KCNIP4: variants seen among roughly 807,000 people sequenced by gnomAD.
KCNIP4 encodes potassium voltage-gated channel interacting protein 4.
In KCNIP4, 12 loss-of-function variants were observed where a neutral mutation model predicts 34.0. That is an observed-to-expected ratio of 0.35 (90% CI 0.23 to 0.57). The LOEUF is 0.57. Ranked by LOEUF, KCNIP4 falls within the 20% of genes least tolerant of loss-of-function variation. KCNIP4 has a pLI of 0.83. For missense variants in KCNIP4, 238 were observed against 311.7 expected (o/e 0.76, Z 1.78); for synonymous variants, 124 against 102.2 (o/e 1.21, Z -1.29).
intron 3 of KCNIP4, among the ~76,000 whole-genome samples, chr4:20,813,698 A>G (rs1716043825): frequency 6.6e-6 from 1 of 152,188 alleles, no homozygotes; most frequent in African/African-American, 2.4e-5. Flanking sequence ...TATAAGTGCG[A>G]CATATATATT....
chr4:21,772,477 T>C (rs1718868759), intron 1 of KCNIP4, among the ~76,000 whole-genome samples: 1 of 152,200 alleles, frequency 6.6e-6, no homozygotes, highest in African/African-American at 2.4e-5. Flanking sequence ...TTCAATTGTT[T>C]GGAATAGTTT....
At chr4:21,549,322 C>T (rs1738373381) in intron 1 of KCNIP4, among the ~76,000 whole-genome samples, 1 of 151,854 alleles carries the variant, frequency 6.6e-6, no homozygotes, top group South Asian at 2.1e-4. Context: ...AATGTGATCC[C>T]CCATGGTGAA....
chr4:20,934,616 T>C (rs1191561210), intron 1 of KCNIP4, among the ~76,000 whole-genome samples: 1 of 152,218 alleles, frequency 6.6e-6, no homozygotes, highest in Non-Finnish European at 1.5e-5. Context: ...ATGCAAGCAT[T>C]GCAGATACAA....
At chr4:20,877,569 A>C (rs1724198838) in intron 2 of KCNIP4, among the ~76,000 whole-genome samples, 1 of 152,140 alleles carries the variant, frequency 6.6e-6, no homozygotes. Flanking sequence ...CATATGTAAA[A>C]TAGCCTATAT....
intron 1 of KCNIP4, among the ~76,000 whole-genome samples, chr4:21,240,613 G>T (rs1759738002): frequency 6.6e-6 from 1 of 152,150 alleles, no homozygotes; most frequent in South Asian, 2.1e-4. Context: ...GAGTCCTGTT[G>T]ATTTTTCTTA....
intron 1 of KCNIP4, among the ~76,000 whole-genome samples, chr4:21,436,668 T>C (rs1726968372): frequency 6.6e-6 from 1 of 152,222 alleles, no homozygotes; most frequent in South Asian, 2.1e-4. Flanking sequence ...AAACTCTCTA[T>C]ACCTCATGTC....
Position 20,850,692 on chromosome 4 carries a change from C to T in KCNIP4, c.164-25G>A, listed in dbSNP as rs769156343. On this transcript the variant is annotated intron_variant, in intron 2 of 8. Coordinates refer to ENST00000382152, the MANE Select transcript of KCNIP4 (RefSeq NM_025221.6). ...TCTGTGGAGGAAAACAAGAAAGAGTCTTAGGACCAGCCACTGCTCACCGAT... is the reference window on the plus strand; with the variant it reads ...TCTGTGGAGGAAAACAAGAAAGAGTTTTAGGACCAGCCACTGCTCACCGAT... 3.9e-5 allele frequency: 62 copies of T among 1,607,454 alleles called. No homozygotes were observed. In the South Asian group the frequency reaches 5.3e-4, roughly 14 times the overall value.
At chr4:21,277,130 C>A (rs1455997725) in intron 1 of KCNIP4, among the ~76,000 whole-genome samples, 3 of 152,084 alleles carry the variant, frequency 2.0e-5, no homozygotes, top group Non-Finnish European at 4.4e-5. Context: ...TTCCAACTGG[C>A]AAATAATAGG....
intron 1 of KCNIP4, among the ~76,000 whole-genome samples, chr4:21,310,283 G>A (rs1334298050): frequency 6.6e-6 from 1 of 152,110 alleles, no homozygotes; most frequent in Non-Finnish European, 1.5e-5. Context: ...TGATCCGTCC[G>A]CCTCTGCCTC....
chr4:20,994,918 C>A (rs1737410901), intron 1 of KCNIP4, among the ~76,000 whole-genome samples: 2 of 152,110 alleles, frequency 1.3e-5, no homozygotes, highest in African/African-American at 4.8e-5. Flanking sequence ...AAATGGGGGG[C>A]TTTATCCTTT....
chr4:20,737,398 G>C (rs769414953), intron 5 of KCNIP4, among the ~76,000 whole-genome samples: 21 of 152,194 alleles, frequency 1.4e-4, no homozygotes, highest in Non-Finnish European at 2.8e-4. Flanking sequence ...AATTTTTAAT[G>C]AGGAGCACTT....
At chr4:21,663,286 T>C (rs1487753849) in intron 1 of KCNIP4, among the ~76,000 whole-genome samples, 1 of 152,186 alleles carries the variant, frequency 6.6e-6, no homozygotes, top group Non-Finnish European at 1.5e-5. Flanking sequence ...ATCAAGGTGA[T>C]TGTGGCCTTC....
chr4:21,476,026 T>C (rs1730929480), intron 1 of KCNIP4, among the ~76,000 whole-genome samples: 3 of 152,198 alleles, frequency 2.0e-5, no homozygotes, highest in Non-Finnish European at 4.4e-5. Context: ...GCTTTTCATA[T>C]GAAGACCCAG....
intron 3 of KCNIP4, among the ~76,000 whole-genome samples, chr4:20,761,665 C>T (rs189220664): frequency 4.3e-4 from 65 of 152,212 alleles, no homozygotes; most frequent in Admixed American, 4.1e-3. Flanking sequence ...GCAAAGGGAC[C>T]TCTGCATCAA....
intron 1 of KCNIP4, among the ~76,000 whole-genome samples, chr4:21,525,334 C>T (rs1735881351): frequency 1.3e-5 from 2 of 152,052 alleles, no homozygotes; most frequent in Admixed American, 6.6e-5. Flanking sequence ...ATTAGTTGGA[C>T]AATTTGTAGG....
intron 1 of KCNIP4, among the ~76,000 whole-genome samples, chr4:21,490,142 A>G (rs1290338028): frequency 1.3e-5 from 2 of 152,180 alleles, no homozygotes; most frequent in African/African-American, 4.8e-5. Flanking sequence ...ACATTTAATA[A>G]TTTTAACAGA....
chr4:20,767,814 G>C (rs1755541425), intron 3 of KCNIP4, among the ~76,000 whole-genome samples: 2 of 152,000 alleles, frequency 1.3e-5, no homozygotes, highest in South Asian at 2.1e-4. Context: ...ATTACAGTAA[G>C]ACATTTCATA....
intron 2 of KCNIP4, among the ~76,000 whole-genome samples, chr4:20,878,636 GC>G (rs1724331133): frequency 6.6e-6 from 1 of 152,160 alleles, no homozygotes; most frequent in African/African-American, 2.4e-5. Context: ...TATCATGCCT[GC>G]CCTATATGGT....
chr4:20,999,418 T>TG (rs1737869896), intron 1 of KCNIP4, among the ~76,000 whole-genome samples: 1 of 116,992 alleles, frequency 8.5e-6, no homozygotes, highest in African/African-American at 3.8e-5. Context: ...GGTGGTGTTT[T>TG]TTTTTTTTGT....
Sources: gnomAD v4.1 joint callset for allele counts (sites outside exome capture counted in the v4.1 genomes callset) on GRCh38, gnomAD v4.1.1 for gene constraint, MANE v1.5 for transcripts, NCBI Gene and HGNC (gene_info 2026-07-23, HGNC 2026-07-21) for gene names.